PRKDC: variants seen among roughly 807,000 people sequenced by gnomAD.
PRKDC encodes the protein DNA-dependent protein kinase catalytic subunit.
In PRKDC, 82 loss-of-function variants were observed where a neutral mutation model predicts 486.9. The observed-to-expected ratio is 0.17, with a 90% confidence interval of 0.14 to 0.20. The LOEUF (loss-of-function observed/expected upper bound fraction) is 0.20. Ranked by LOEUF, PRKDC falls within the 10% of genes least tolerant of loss-of-function variation. PRKDC has a pLI of 1.00. For missense variants in PRKDC, 4,504 were observed against 5,038.2 expected (o/e 0.89, Z 3.21); for synonymous variants, 1,895 against 1,837.0 (o/e 1.03, Z -0.81).
chr8:47,949,061 G>GGA (rs2090584735), intron 7 of PRKDC, among the ~76,000 whole-genome samples: 2 of 152,162 alleles, frequency 1.3e-5, no homozygotes, highest in African/African-American at 4.8e-5. Flanking sequence ...AGGCTCTAGG[G>GGA]GAGAACCCTT....
Position 47,861,021 on chromosome 8 carries a change from A to G in PRKDC, c.5986-50T>C. 3 of 1,268,834 alleles carry G rather than the reference A, an allele frequency of 2.4e-6. No homozygotes were observed. The South Asian group carries it at 4.6e-5, about 19-fold the overall frequency. The allele number at this position is 1,268,834 out of a possible 1,614,324, so 78.6% of individuals were successfully genotyped here. On this transcript the variant is annotated intron_variant, in intron 44 of 85. Transcript: ENST00000314191. ...TGTAAAACATTTTATAATAATAGTGATACTTTTTCTGTTTTAGTAGCAATC... is the reference window on the plus strand; with the variant it reads ...TGTAAAACATTTTATAATAATAGTGGTACTTTTTCTGTTTTAGTAGCAATC...
At position 47,837,223 on chromosome 8, in the gene PRKDC, A is replaced by T; in HGVS notation, c.7750T>A (p.Cys2584Ser). ...NPMFEHPLSE[C>S]EFQEYTIDSD... ...GAAGACCACATTACCTGAAATTCGC[A>T]TTCTGACAGAGGATGCTCGAACATG... is the stretch of plus-strand genomic sequence containing the variant. The change falls in exon 57 of 86, where the codon TGC becomes AGC. Residue 2584 changes from cysteine (C) to serine (S), a missense_variant. This residue lies in a region of PRKDC where 1,592 missense variants were observed against 1,724.6 expected (regional missense o/e 0.92). Transcript: ENST00000314191. 1 of 1,613,312 alleles carries T rather than the reference A, an allele frequency of 6.2e-7. No homozygotes were observed. The highest frequency in any genetic ancestry group is 8.5e-7 in the Non-Finnish European group (1 of 1,179,388).
At chr8:47,797,783 C>CA (rs948570137) in intron 73 of PRKDC, among the ~76,000 whole-genome samples, 3 of 152,216 alleles carry the variant, frequency 2.0e-5, no homozygotes, top group South Asian at 2.1e-4. Flanking sequence ...GCTGACCCCT[C>CA]ACTCATGCTC....
intron 7 of PRKDC, among the ~76,000 whole-genome samples, chr8:47,946,326 C>A (rs1471076601): frequency 2.0e-5 from 3 of 151,892 alleles, no homozygotes; most frequent in Admixed American, 6.6e-5. Context: ...CAAAAAAAAA[C>A]CCCTCTCTTA....
intron 7 of PRKDC, among the ~76,000 whole-genome samples, chr8:47,948,099 C>T (rs1166655121): frequency 2.0e-5 from 2 of 102,562 alleles, no homozygotes; most frequent in African/African-American, 1.0e-4. Flanking sequence ...AATATATTTG[C>T]ACACACACAC....
rs1456848212 is a variant in PRKDC, at chr8:47,834,400, T to C, written c.7952-4A>G. 1.2e-6 allele frequency: 2 copies of C among 1,612,746 alleles called. No individual in the cohort carries two copies. Among genetic ancestry groups the C allele is most frequent in the South Asian group, 2.2e-5 (2 of 91,030 alleles). On this transcript the variant is annotated splice_region_variant and splice_polypyrimidine_tract_variant and intron_variant, in intron 58 of 85. Transcript: ENST00000314191. ...CAATCAAATGAGCTTCTTCCATCTG[T>C]GACATGCAATCAGAGAGGTCAGGCA...
At chr8:47,825,307 G>A (rs991029105) in intron 63 of PRKDC, among the ~76,000 whole-genome samples, 4 of 151,920 alleles carry the variant, frequency 2.6e-5, no homozygotes, top group East Asian at 1.9e-4. Context: ...AGGCCGGGGC[G>A]GGCGGATCCT....
At chr8:47,899,394 C>T (rs1187905034) in intron 28 of PRKDC, among the ~76,000 whole-genome samples, 1 of 152,126 alleles carries the variant, frequency 6.6e-6, no homozygotes, top group Non-Finnish European at 1.5e-5. Context: ...GCCTGTAATC[C>T]CAGCATTTTG....
At chr8:47,799,908 G>C (rs1389124841) in intron 71 of PRKDC, among the ~76,000 whole-genome samples, 1 of 152,218 alleles carries the variant, frequency 6.6e-6, no homozygotes, top group Non-Finnish European at 1.5e-5. Flanking sequence ...AAGCTGGTGG[G>C]ACGTCTGAAT....
chr8:47,902,690 C>T lies in PRKDC; in HGVS notation c.3148G>A (p.Glu1050Lys). 6.2e-7 allele frequency: 1 copy of T among 1,613,936 alleles called. No individual in the cohort carries two copies. Among genetic ancestry groups the T allele is most frequent in the Non-Finnish European group, 8.5e-7 (1 of 1,179,848 alleles). Residue 1050 changes from glutamate to lysine, a missense_variant, in exon 27 of 86, where the codon GAG becomes AAG. Glu to Lys is a moderately conservative substitution (Grantham distance 56). Around this residue, in one of 6 missense-constraint regions of PRKDC, gnomAD observed 1,969 missense variants for 2,068.9 expected, o/e 0.95. Transcript: ENST00000314191. ...GATTTGGTGTTTACTGGACTCTTCTCCTGCTGCTGTGGTGTTATTTGCTTA... is the reference window on the plus strand; with the variant it reads ...GATTTGGTGTTTACTGGACTCTTCTTCTGCTGCTGTGGTGTTATTTGCTTA... Reference protein sequence around the residue: ...SIKQITPQQQEKSPVNTKSLF... With the variant: ...SIKQITPQQQKKSPVNTKSLF...
At chr8:47,855,855 G>A (rs1466613943) in intron 49 of PRKDC, among the ~76,000 whole-genome samples, 1 of 152,200 alleles carries the variant, frequency 6.6e-6, no homozygotes, top group Non-Finnish European at 1.5e-5. Context: ...GCTGAGCAGT[G>A]CACCACTCTA....
intron 60 of PRKDC, among the ~76,000 whole-genome samples, chr8:47,831,463 C>A (rs1023568328): frequency 6.6e-6 from 1 of 152,220 alleles, no homozygotes; most frequent in Non-Finnish European, 1.5e-5. Flanking sequence ...CCTCGGGGCA[C>A]CGTGGGTCCC....
intron 40 of PRKDC, among the ~76,000 whole-genome samples, chr8:47,876,459 C>T (rs545928270): frequency 2.6e-5 from 4 of 152,096 alleles, no homozygotes; most frequent in East Asian, 3.9e-4. Flanking sequence ...GTCAGGAGTT[C>T]GGAACCAGCC....
chr8:47,942,005 G>A (rs910133193), intron 10 of PRKDC, among the ~76,000 whole-genome samples: 8 of 152,262 alleles, frequency 5.3e-5, no homozygotes, highest in African/African-American at 1.7e-4. Flanking sequence ...GCAGGCCCAC[G>A]CCCCACCCAG....
At chr8:47,876,198 A>C (rs1272351248) in intron 40 of PRKDC, among the ~76,000 whole-genome samples, 1 of 152,194 alleles carries the variant, frequency 6.6e-6, no homozygotes, top group Non-Finnish European at 1.5e-5. Flanking sequence ...ACTACCTAAA[A>C]ATCATGGAAC....
intron 7 of PRKDC, among the ~76,000 whole-genome samples, chr8:47,945,261 CA>C (rs1007283641): frequency 6.6e-6 from 1 of 152,148 alleles, no homozygotes; most frequent in Non-Finnish European, 1.5e-5. Flanking sequence ...TGTGGTAAAA[CA>C]GACATATTTA....
chr8:47,929,759 C>T (rs2090219465), intron 18 of PRKDC, 94 bp downstream of exon 18: 2 of 1,291,560 alleles, frequency 1.5e-6, no homozygotes, highest in Non-Finnish European at 2.1e-6. Flanking sequence ...GACTTTAAAA[C>T]TGCATAGGCC....
intron 55 of PRKDC, among the ~76,000 whole-genome samples, chr8:47,839,627 T>C (rs1050839896): frequency 3.3e-5 from 5 of 152,226 alleles, no homozygotes; most frequent in Non-Finnish European, 4.4e-5. Flanking sequence ...CTCTGATTTT[T>C]TCACACACAT....
chr8:47,955,461 C>CAAAAAAAA (rs746883720), intron 4 of PRKDC, among the ~76,000 whole-genome samples: 2 of 18,524 alleles, frequency 1.1e-4, no homozygotes, highest in Non-Finnish European at 1.3e-4. Context: ...GACTCCGTCT[C>CAAAAAAAA]AAAAAAAAAA....
Sources: allele counts gnomAD v4.1 joint callset (sites outside exome capture counted in the v4.1 genomes callset), GRCh38; gene constraint gnomAD v4.1.1; regional missense constraint gnomAD v4.1.1; transcripts MANE v1.5; gene names NCBI Gene and HGNC (gene_info 2026-07-23, HGNC 2026-07-21).